SSX5: variants seen among roughly 807,000 people sequenced by gnomAD.
SSX5 encodes the protein protein SSX5.
SSX5 carries 14 observed loss-of-function variants against 14.9 expected under a neutral mutation model. That is an observed-to-expected ratio of 0.94 (90% CI 0.62 to 1.47). SSX5 has a LOEUF of 1.47. SSX5 is among the 40% of genes most tolerant of loss of function. The probability of loss-of-function intolerance (pLI) is 0.00; values close to 1 mark genes in which losing one functional copy is unlikely to be tolerated. For missense variants in SSX5, 204 were observed against 154.6 expected (o/e 1.32, Z -1.70); for synonymous variants, 70 against 55.4 (o/e 1.26, Z -1.17).
chrX:48,194,868 A>C lies in SSX5; in HGVS notation c.70-14T>G, dbSNP rs1556925506. 5 of 1,203,278 alleles carry C rather than the reference A, an allele frequency of 4.2e-6. No individual in the cohort carries two copies. The highest frequency in any genetic ancestry group is 5.6e-6 in the Non-Finnish European group (5 of 892,143). On this transcript the variant is annotated splice_polypyrimidine_tract_variant and intron_variant, in intron 2 of 7. Transcript: ENST00000347757. The stretch of plus-strand genomic sequence containing the variant: ...ATCATCGAAGGCCTAGAAAAAAAAA[A>C]AGGATTTCTGATAGTGACTCAGCTA...
At chrX:48,195,959 C>T (rs1307186596) in intron 1 of SSX5, among the ~76,000 whole-genome samples, 3 of 111,029 alleles carry the variant, frequency 2.7e-5, no homozygotes, top group Admixed American at 9.6e-5. Flanking sequence ...TACAAGAGCC[C>T]GGGAACACTT....
intron 6 of SSX5, among the ~76,000 whole-genome samples, chrX:48,188,556 C>A (rs2059407764): frequency 8.9e-6 from 1 of 112,398 alleles, no homozygotes; most frequent in Non-Finnish European, 1.9e-5. Context: ...CACCGATGAG[C>A]TCTTCCCTGC....
intron 1 of SSX5, among the ~76,000 whole-genome samples, chrX:48,195,891 A>G (rs1216951302): frequency 2.1e-4 from 23 of 111,465 alleles, no homozygotes; most frequent in African/African-American, 7.5e-4. Context: ...CGGATTTAGA[A>G]GCTATTACTG....
rs1268304400 is a variant in SSX5, at chrX:48,186,387, TGTGTGTGTGTGTGTGTGCGCGCGC to T, written c.*450_*473del. ...CTTGGTGTGTGTGTGTGTGTGTGTG[TGTGTGTGTGTGTGTGTGCGCGCGC>T]GCGCGCATGTGTGTCTGTGTGGCAT... On this transcript the variant is annotated 3_prime_UTR_variant, in exon 8 of 8. Coordinates refer to ENST00000347757, the MANE Select transcript of SSX5 (RefSeq NM_175723.2). 1.0e-3 allele frequency: 232 copies of T among 227,067 alleles called. No homozygotes were observed. The highest frequency in any genetic ancestry group is 6.6e-3 in the African/African-American group (215 of 32,430). 18.7% of individuals were successfully genotyped at this position (227,067 alleles called of 1,213,427 possible). A position where few individuals can be genotyped will look rare whatever the true frequency, so the allele number is the denominator to read the frequency against.
Position 48,192,272 on chromosome X carries a change from G to T in SSX5, c.290C>A (p.Pro97His), listed in dbSNP as rs1556924919. 2.5e-6 allele frequency: 3 copies of T among 1,211,451 alleles called. No homozygotes were observed. The South Asian group carries it at 5.3e-5, about 21-fold the overall frequency. The change falls in exon 5 of 8, where the codon CCT becomes CAT. Residue 97 changes from proline (P) to histidine (H), a missense_variant. Physicochemically the swap from Pro to His is moderately conservative, Grantham distance 77 (BLOSUM62 -2). Coordinates refer to ENST00000347757, the MANE Select transcript of SSX5 (RefSeq NM_175723.2). Reference protein sequence around the residue: ...DPNRGNQVEHPQMTFGRLQGI... With the variant: ...DPNRGNQVEHHQMTFGRLQGI... ...CTGGAGCCTGCCGAAAGTCATCTGA[G>T]GATGTTCAACTGAAAGAGAATACAT...
chrX:48,192,236 G>T lies in SSX5; in HGVS notation c.326C>A (p.Pro109Gln). The part of the protein sequence containing the change: ...MTFGRLQGIF[P>Q]KITPEKPAEE... Reference sequence around the variant, plus strand: ...TTAGATTTGAGAGACACTCACCTTCGGGAAGATTCCCTGGAGCCTGCCGAA... The same window carrying T: ...TTAGATTTGAGAGACACTCACCTTCTGGAAGATTCCCTGGAGCCTGCCGAA... Residue 109 changes from proline (P) to glutamine (Q), a missense_variant, in exon 5 of 8, where the codon CCG becomes CAG. By Grantham distance (76) the Pro-to-Gln change is moderately conservative (BLOSUM62 -1). Coordinates refer to ENST00000347757, the MANE Select transcript of SSX5 (RefSeq NM_175723.2). 8.3e-7 allele frequency: 1 copy of T among 1,210,578 alleles called. No homozygotes were observed. Among genetic ancestry groups the T allele is most frequent in the Non-Finnish European group, 1.1e-6 (1 of 894,655 alleles).
intron 6 of SSX5, among the ~76,000 whole-genome samples, chrX:48,188,776 A>G (rs2059408608): frequency 8.9e-6 from 1 of 112,689 alleles, no homozygotes; most frequent in African/African-American, 3.2e-5. Flanking sequence ...TCTTGCACCA[A>G]ACAGCCAAGC....
rs2059433503 is a variant in SSX5 at position 48,194,723 on chromosome X, C to G, written c.184+17G>C. On this transcript the variant is annotated intron_variant, in intron 3 of 7. Transcript: ENST00000347757. Reference sequence around the variant, plus strand: ...TCATGTATCCCCAGACTGTCTGTACCTAGAACTTTCTGTTACCTAGTTTAG... The same window carrying G: ...TCATGTATCCCCAGACTGTCTGTACGTAGAACTTTCTGTTACCTAGTTTAG... 8.4e-7 allele frequency: 1 copy of G among 1,193,741 alleles called. No homozygotes were observed. The highest frequency in any genetic ancestry group is 1.8e-5 in the South Asian group (1 of 55,414).
At position 48,194,238 on chromosome X, in the gene SSX5, A is replaced by G; in HGVS notation, c.185-14T>C. Reference sequence around the variant, plus strand: ...TGGCCTTGAAACCTAGAAAGAAGCAAAATGTTTATTCCTTAAGAGACAAGC... The same window carrying G: ...TGGCCTTGAAACCTAGAAAGAAGCAGAATGTTTATTCCTTAAGAGACAAGC... On this transcript the variant is annotated splice_polypyrimidine_tract_variant and intron_variant, in intron 3 of 7. Transcript: ENST00000347757. The G allele has an allele frequency of 8.3e-7, 1 of 1,202,103 alleles. No homozygotes were observed. The highest frequency in any genetic ancestry group is 1.1e-6 in the Non-Finnish European group (1 of 887,553).
chrX:48,194,474 A>G (rs2059432570), intron 3 of SSX5, among the ~76,000 whole-genome samples: 1 of 109,953 alleles, frequency 9.1e-6, no homozygotes, highest in East Asian at 2.9e-4. Context: ...GGGGGGTGCC[A>G]GATGCCACAG....
At chrX:48,196,250 C>T (rs2059440822) in intron 1 of SSX5, among the ~76,000 whole-genome samples, 1 of 111,256 alleles carries the variant, frequency 9.0e-6, no homozygotes, top group Non-Finnish European at 1.9e-5. Context: ...CATAGCGAAA[C>T]AATTTCTACT....
intron 5 of SSX5, among the ~76,000 whole-genome samples, chrX:48,190,524 A>G (rs1399408252): frequency 8.9e-6 from 1 of 111,983 alleles, no homozygotes; most frequent in East Asian, 2.8e-4. Flanking sequence ...TGCAAACAGC[A>G]AATATCTCCA....
At chrX:48,194,879 A>G in intron 2 of SSX5, 25 bp from the exon 3 acceptor site, 4 of 1,202,727 alleles carry the variant, frequency 3.3e-6, no homozygotes, top group Non-Finnish European at 4.5e-6. Flanking sequence ...AGGATTTCTG[A>G]TAGTGACTCA....
At chrX:48,196,065 C>T (rs1158709153) in intron 1 of SSX5, among the ~76,000 whole-genome samples, 1 of 110,563 alleles carries the variant, frequency 9.0e-6, no homozygotes, top group African/African-American at 3.3e-5. Flanking sequence ...GCGTGCAGAT[C>T]GCTTGAGCCC....
At chrX:48,186,910 C>G (rs2059399965) in intron 7 of SSX5, 54 bp from the exon 8 acceptor site, 1 of 1,183,918 alleles carries the variant, frequency 8.4e-7, no homozygotes, top group Non-Finnish European at 1.1e-6. Flanking sequence ...CACCACATGA[C>G]AACTCAATCT....
At chrX:48,193,575 C>A (rs1353730566) in intron 4 of SSX5, among the ~76,000 whole-genome samples, 1 of 110,502 alleles carries the variant, frequency 9.0e-6, no homozygotes, top group Non-Finnish European at 1.9e-5. Context: ...ATGGTGAAAC[C>A]CCATCTCTAC....
At chrX:48,192,463 A>G in intron 4 of SSX5, 182 bp from the exon 5 acceptor site, 1 of 704,566 alleles carries the variant, frequency 1.4e-6, no homozygotes, top group Non-Finnish European at 2.1e-6. Context: ...TGTGGCATCA[A>G]TTCAGAATTT....
In SSX5 at chrX:48,186,612, T is replaced by C. The variant is rs781792583; in HGVS notation, c.*249A>G. ...TACACAAACTGAAATATGCATTAAG[T>C]ATGTCTTGCTCATCAGTGAAAACGC... On this transcript the variant is annotated 3_prime_UTR_variant, in exon 8 of 8. Transcript: ENST00000347757. 2.4e-4 allele frequency: 123 copies of C among 517,854 alleles called. No individual in the cohort carries two copies. The East Asian group carries it at 3.0e-3, about 13-fold the overall frequency. 42.7% of individuals were successfully genotyped at this position (517,854 alleles called of 1,213,427 possible).
At position 48,187,478 on chromosome X, in the gene SSX5, G is replaced by C. The variant is rs1396627288; in HGVS notation, c.*4+149C>G. On this transcript the variant is annotated intron_variant, in intron 7 of 7. Transcript: ENST00000347757. Reference sequence around the variant, plus strand: ...TCCCCCACCCACAAAAAAAAACATGGGAAATTTCATCATTCAGCCTCAATG... The same window carrying C: ...TCCCCCACCCACAAAAAAAAACATGCGAAATTTCATCATTCAGCCTCAATG... 3 of 783,274 alleles carry C rather than the reference G, an allele frequency of 3.8e-6. No individual in the cohort carries two copies. In the African/African-American group the frequency reaches 6.4e-5, roughly 17 times the overall value. The allele number at this position is 783,274 out of a possible 1,213,427, so 64.6% of individuals were successfully genotyped here.
Sources: allele counts gnomAD v4.1 joint callset (sites outside exome capture counted in the v4.1 genomes callset), GRCh38; gene constraint gnomAD v4.1.1; transcripts MANE v1.5; gene names NCBI Gene and HGNC (gene_info 2026-07-23, HGNC 2026-07-21).